The following CHKA variants were observed in gnomAD, a reference collection of about 807,000 sequenced individuals.
CHKA encodes choline kinase alpha, also known as CHETK-alpha.
A neutral mutation model predicts 60.1 loss-of-function variants in CHKA; 34 were observed. The ratio of observed to expected loss-of-function variants is 0.57; its 90% CI spans 0.43 to 0.75. CHKA has a LOEUF of 0.75. CHKA is among the 30% of genes least tolerant of loss of function. The pLI is 0.00. For synonymous variants in CHKA, 217 were observed against 223.1 expected (o/e 0.97, Z 0.24); for missense variants, 563 against 561.3 (o/e 1.00, Z -0.03).
In CHKA at chr11:68,105,316, A is replaced by G. The variant is rs559295742; in HGVS notation, c.351-8186T>C. On this transcript the variant is annotated intron_variant, in intron 1 of 11. Coordinates refer to ENST00000265689, the MANE Select transcript of CHKA (RefSeq NM_001277.3). ...TGGATCATGAGGTCAGGAATTCAAG[A>G]CCAGCCTGGCAAACACGGTGAAACC... is the stretch of plus-strand genomic sequence containing the variant. Among the ~76,000 whole-genome samples the G allele has an allele frequency of 4.6e-5, 7 of 151,960 alleles. No homozygotes were observed. The South Asian group carries it at 1.2e-3, about 27-fold the overall frequency.
intron 1 of CHKA, among the ~76,000 whole-genome samples, chr11:68,106,987 A>C: frequency 6.6e-6 from 1 of 152,136 alleles, no homozygotes; most frequent in African/African-American, 2.4e-5. Flanking sequence ...GGCATGGTGG[A>C]TCATACCTGT....
chr11:68,070,536 C>T (rs1856582121), intron 5 of CHKA, among the ~76,000 whole-genome samples, 188 bp downstream of exon 5: 1 of 152,132 alleles, frequency 6.6e-6, no homozygotes, highest in African/African-American at 2.4e-5. Flanking sequence ...GCCTTCTTTC[C>T]TGGTTTAGGA....
At chr11:68,094,040 G>A (rs1006778868) in intron 2 of CHKA, among the ~76,000 whole-genome samples, 1 of 152,232 alleles carries the variant, frequency 6.6e-6, no homozygotes, top group South Asian at 2.1e-4. Context: ...AGCCCACAGA[G>A]GAGCACCTTG....
intron 1 of CHKA, among the ~76,000 whole-genome samples, chr11:68,109,085 CCTT>C (rs1463408600): frequency 1.4e-5 from 2 of 148,104 alleles, no homozygotes. Context: ...TTTTTCTTTT[CCTT>C]TTTTTTTTTT....
At chr11:68,097,273 A>C (rs1039558690) in intron 1 of CHKA, 143 bp from the exon 2 acceptor site, 3 of 548,706 alleles carry the variant, frequency 5.5e-6, no homozygotes, top group Non-Finnish European at 9.4e-6. Flanking sequence ...TAACTCCATG[A>C]GTCACATTAA....
At chr11:68,061,065 A>AAAATAC (rs1441824592) in intron 11 of CHKA, among the ~76,000 whole-genome samples, 1 of 151,270 alleles carries the variant, frequency 6.6e-6, no homozygotes. Flanking sequence ...CTGAAGGTTA[A>AAAATAC]AAATACTTTC....
intron 2 of CHKA, among the ~76,000 whole-genome samples, chr11:68,084,305 TATATAC>T (rs1857087345): frequency 7.0e-6 from 1 of 142,846 alleles, no homozygotes; most frequent in African/African-American, 2.6e-5. Flanking sequence ...CGTATATGTG[TATATAC>T]ATGTGTATAT....
intron 1 of CHKA, among the ~76,000 whole-genome samples, chr11:68,099,197 T>C (rs1421038190): frequency 1.3e-5 from 2 of 152,214 alleles, no homozygotes; most frequent in Non-Finnish European, 2.9e-5. Flanking sequence ...TAGGGGATGA[T>C]AGCTAAAAGT....
intron 1 of CHKA, 153 bp downstream of exon 1, chr11:68,120,675 C>A (rs1392102050): frequency 3.0e-5 from 8 of 267,432 alleles, no homozygotes. Context: ...GGAGGGCTTT[C>A]GCCGGCTGCG....
chr11:68,094,026 G>A (rs2134646821), intron 2 of CHKA, among the ~76,000 whole-genome samples: 1 of 152,298 alleles, frequency 6.6e-6, no homozygotes. Context: ...TCCCAGGTTA[G>A]TCTAGCCCAC....
chr11:68,095,735 C>A (rs7105399), intron 2 of CHKA, among the ~76,000 whole-genome samples: 42,735 of 75,890 alleles, frequency 0.56, 12,107 homozygotes, highest in Middle Eastern at 0.7. Context: ...AAAAAAAAAA[C>A]AACAGGTATC....
At chr11:68,064,430 G>A in intron 10 of CHKA, 95 bp downstream of exon 10, 2 of 583,954 alleles carry the variant, frequency 3.4e-6, no homozygotes, top group African/African-American at 2.0e-5. Flanking sequence ...AGAAGAAGAA[G>A]CTCTAAAATA....
intron 7 of CHKA, among the ~76,000 whole-genome samples, chr11:68,067,466 G>A (rs1224680217): frequency 1.3e-5 from 2 of 152,032 alleles, no homozygotes; most frequent in African/African-American, 4.8e-5. Context: ...GTAGTGGTGT[G>A]CGCCTGTGAT....
chr11:68,066,384 G>T, intron 8 of CHKA, 45 bp downstream of exon 8: 1 of 1,436,604 alleles, frequency 7.0e-7, no homozygotes, highest in Non-Finnish European at 9.8e-7. Flanking sequence ...ATATCGTAAT[G>T]ATAAATCAAT....
chr11:68,055,119 G>A (rs992597568), intron 11 of CHKA, among the ~76,000 whole-genome samples: 6 of 152,208 alleles, frequency 3.9e-5, no homozygotes, highest in Non-Finnish European at 8.8e-5. Context: ...CAGACCGGGC[G>A]AGGTGGCTCA....
chr11:68,065,711 AAAG>A (rs1856419469), intron 9 of CHKA, 72 bp downstream of exon 9: 4 of 1,063,422 alleles, frequency 3.8e-6, no homozygotes, highest in East Asian at 2.4e-5. Context: ...AAAAAATAAA[AAAG>A]AAGATGTAAT....
intron 1 of CHKA, among the ~76,000 whole-genome samples, chr11:68,103,385 C>A (rs1188136589): frequency 6.6e-6 from 1 of 151,494 alleles, no homozygotes; most frequent in African/African-American, 2.4e-5. Context: ...AAATAAATGG[C>A]CAACAGGTAT....
At chr11:68,114,699 G>GAAA (rs544983763) in intron 1 of CHKA, among the ~76,000 whole-genome samples, 2 of 131,136 alleles carry the variant, frequency 1.5e-5, no homozygotes, top group Non-Finnish European at 3.3e-5. Flanking sequence ...TCTGTCTCGG[G>GAAA]AAAAAAAAAA....
chr11:68,112,382 T>C (rs1008213026), intron 1 of CHKA, among the ~76,000 whole-genome samples: 1 of 152,166 alleles, frequency 6.6e-6, no homozygotes, highest in Non-Finnish European at 1.5e-5. Flanking sequence ...CTTAGCCTCC[T>C]GAGTAGCTGG....
Sources: allele counts gnomAD v4.1 joint callset (sites outside exome capture counted in the v4.1 genomes callset), GRCh38; gene constraint gnomAD v4.1.1; transcripts MANE v1.5; gene names NCBI Gene and HGNC (gene_info 2026-07-23, HGNC 2026-07-21).